ZNF91: variants seen among roughly 807,000 people sequenced by gnomAD.
ZNF91 encodes zinc finger protein 91 (HPF7, HTF10).
Under a neutral mutation model 12.6 loss-of-function variants are expected in ZNF91, and 7 were observed. The ratio of observed to expected loss-of-function variants is 0.55; its 90% confidence interval spans 0.31 to 1.04. ZNF91 has a LOEUF of 1.04. Ranked by LOEUF, ZNF91 falls within the 50% of genes least tolerant of loss-of-function variation. ZNF91 has a pLI of 0.05. For synonymous variants in ZNF91, 453 were observed against 462.6 expected, an observed-to-expected ratio of 0.98 and a Z score of 0.27; for missense variants, 1,217 against 1,385.4, an observed-to-expected ratio of 0.88 and a Z score of 1.93.
intron 3 of ZNF91, among the ~76,000 whole-genome samples, chr19:23,371,202 C>G (rs1241381665): frequency 6.6e-6 from 1 of 151,916 alleles, no homozygotes. Context: ...CAAAATTAGC[C>G]GGGCATGGTG....
chr19:23,349,398 A>G (rs1968307696), intron 3 of ZNF91, among the ~76,000 whole-genome samples: 1 of 152,158 alleles, frequency 6.6e-6, no homozygotes, highest in Non-Finnish European at 1.5e-5. Context: ...TAGGGAAAAC[A>G]GAAAATAACC....
intron 1 of ZNF91, among the ~76,000 whole-genome samples, chr19:23,332,804 C>T (rs115626738): frequency 1.4e-4 from 22 of 152,224 alleles, no homozygotes; most frequent in African/African-American, 5.3e-4. Flanking sequence ...GGTCGTGTTA[C>T]TACATGAACT....
At position 23,373,817 on chromosome 19, in the gene ZNF91, CT is replaced by C. The variant is rs1969394042; in HGVS notation, c.177del (p.Asp60ThrfsTer2). On this transcript the variant is annotated frameshift_variant, in exon 3 of 4. Transcript: ENST00000300619. LOFTEE classifies it high-confidence loss of function. ...LAFLGIALSK[P>X]DLITYLEQGK... ...CCTTGCTCCAGATAAGTAATCAGGT[CT>C]GGCTTAGAGAGAGCAATACCTGTTT... is the stretch of plus-strand genomic sequence containing the variant. 1 of 1,609,952 alleles carries C rather than the reference CT, an allele frequency of 6.2e-7. No homozygotes were observed. Among genetic ancestry groups the C allele is most frequent in the Non-Finnish European group, 8.5e-7 (1 of 1,177,918 alleles).
At chr19:23,376,886 A>C (rs1969522767) in intron 1 of ZNF91, among the ~76,000 whole-genome samples, 1 of 152,110 alleles carries the variant, frequency 6.6e-6, no homozygotes, top group Non-Finnish European at 1.5e-5. Context: ...TCTTTCTCAG[A>C]TGAGTTTTTC....
intron 1 of ZNF91, among the ~76,000 whole-genome samples, chr19:23,322,724 CTCA>C (rs779622142): frequency 3.0e-4 from 42 of 140,192 alleles, no homozygotes; most frequent in South Asian, 1.1e-3. Flanking sequence ...TCCTCCTCTC[CTCA>C]TCTCTTCTTC....
At chr19:23,377,498 G>A (rs1433601919) in intron 1 of ZNF91, among the ~76,000 whole-genome samples, 1 of 152,122 alleles carries the variant, frequency 6.6e-6, no homozygotes, top group East Asian at 1.9e-4. Flanking sequence ...GATTCTGCAG[G>A]TTTGGAAATG....
intron 3 of ZNF91, among the ~76,000 whole-genome samples, chr19:23,349,421 T>C (rs867328548): frequency 2.6e-5 from 4 of 152,166 alleles, no homozygotes; most frequent in Admixed American, 1.3e-4. Flanking sequence ...CATTGAAATA[T>C]TGGGGGCTGG....
At chr19:23,350,887 G>A (rs2145027699) in intron 3 of ZNF91, among the ~76,000 whole-genome samples, 1 of 151,980 alleles carries the variant, frequency 6.6e-6, no homozygotes, top group South Asian at 2.1e-4. Context: ...GCCATTTCAG[G>A]CCTCAGCCCG....
chr19:23,352,315 A>C (rs940226683), intron 3 of ZNF91, among the ~76,000 whole-genome samples: 1 of 152,134 alleles, frequency 6.6e-6, no homozygotes, highest in African/African-American at 2.4e-5. Context: ...AGACAGCCAT[A>C]ATCTTCCTAG....
At chr19:23,312,987 A>G (rs1487251834), upstream of ZNF91, among the ~76,000 whole-genome samples, 1 of 152,202 alleles carries the variant, frequency 6.6e-6, no homozygotes, top group Non-Finnish European at 1.5e-5. Flanking sequence ...TCTAAGACCA[A>G]TATTCAGCAC....
downstream of ZNF91, among the ~76,000 whole-genome samples, chr19:23,334,405 T>G (rs539450456): frequency 6.6e-6 from 1 of 152,248 alleles, no homozygotes; most frequent in East Asian, 1.9e-4. Context: ...TTTTAGAAAG[T>G]TTAAGCTTGA....
intron 3 of ZNF91, among the ~76,000 whole-genome samples, chr19:23,341,468 C>T (rs1968122995): frequency 6.6e-6 from 1 of 152,058 alleles, no homozygotes; most frequent in African/African-American, 2.4e-5. Context: ...CAACAGCAAA[C>T]TGTATATATC....
At chr19:23,362,803 AC>A in intron 3 of ZNF91, 78 bp from the exon 4 acceptor site, 1 of 1,299,118 alleles carries the variant, frequency 7.7e-7, no homozygotes, top group Non-Finnish European at 9.8e-7. Context: ...AATCTTACCT[AC>A]AAAATTATAC....
chr19:23,375,193 C>T (rs988389555), intron 1 of ZNF91, among the ~76,000 whole-genome samples: 2 of 151,448 alleles, frequency 1.3e-5, no homozygotes, highest in Non-Finnish European at 2.9e-5. Flanking sequence ...CAGAGTCTCA[C>T]TCTGTTGCCC....
chr19:23,352,659 C>A (rs1269548567), intron 3 of ZNF91, among the ~76,000 whole-genome samples: 1 of 152,110 alleles, frequency 6.6e-6, no homozygotes, highest in Non-Finnish European at 1.5e-5. Flanking sequence ...AATTAAAGGA[C>A]ACAGAACTGC....
intron 1 of ZNF91, among the ~76,000 whole-genome samples, chr19:23,319,907 G>A (rs980440552): frequency 4.6e-5 from 7 of 152,108 alleles, no homozygotes; most frequent in Admixed American, 3.9e-4. Context: ...AAGGCTCAGG[G>A]AAAAAGGTAA....
downstream of ZNF91, among the ~76,000 whole-genome samples, chr19:23,334,886 A>G (rs1167631575): frequency 4.6e-5 from 7 of 152,244 alleles, no homozygotes; most frequent in East Asian, 1.3e-3. Context: ...CATATATAAA[A>G]CCAAGTTACC....
chr19:23,343,410 C>A (rs1446321765), intron 3 of ZNF91, among the ~76,000 whole-genome samples: 4 of 152,140 alleles, frequency 2.6e-5, no homozygotes, highest in Non-Finnish European at 5.9e-5. Flanking sequence ...TGGGTTTTGT[C>A]CCCATGTATA....
Position 23,361,583 on chromosome 19 carries a change from C to A in ZNF91, c.1396G>T (p.Glu466Ter). ...GACCATATAAATGCTTTGCCACATT[C>A]TTTACATTTGAAGGGTTTCTCTCTA... ...HTREKPFKCK[E>*]CGKAFIWSST... is the part of the protein sequence containing the mutation. The change falls in exon 4 of 4, where the codon GAA (glutamate) becomes TAA (stop). Residue 466 changes from glutamate to a stop codon, truncating the protein, a stop_gained. Coordinates refer to ENST00000300619, the MANE Select transcript of ZNF91 (RefSeq NM_003430.4). LOFTEE classifies it low-confidence loss of function (END_TRUNC). The A allele has an allele frequency of 6.2e-7, 1 of 1,613,680 alleles. No homozygotes were observed. The highest frequency in any genetic ancestry group is 8.5e-7 in the Non-Finnish European group (1 of 1,179,828).
Sources: gnomAD v4.1 joint callset for allele counts (sites outside exome capture counted in the v4.1 genomes callset) on GRCh38, gnomAD v4.1.1 for gene constraint, MANE v1.5 for transcripts, NCBI Gene and HGNC (gene_info 2026-07-23, HGNC 2026-07-21) for gene names.